REPS2: variants seen among roughly 807,000 people sequenced by gnomAD.
REPS2 encodes the protein RALBP1 associated Eps domain containing 2, also known as ralBP1-associated Eps domain-containing protein 2.
A neutral mutation model predicts 53.6 loss-of-function variants in REPS2; 23 were observed. The observed-to-expected ratio is 0.43, with a 90% confidence interval of 0.31 to 0.61. The LOEUF is 0.61. Among genes scored for constraint, REPS2 ranks in the 20% least tolerant of loss-of-function variants. The pLI is 0.11. For missense variants in REPS2, 446 were observed against 534.9 expected, an observed-to-expected ratio of 0.83 and a Z score of 1.64; for synonymous variants, 238 against 218.6, an observed-to-expected ratio of 1.09 and a Z score of -0.78.
At chrX:17,037,722 C>T (rs934838809) in intron 5 of REPS2, among the ~76,000 whole-genome samples, 1 of 112,724 alleles carries the variant, frequency 8.9e-6, no homozygotes, top group Non-Finnish European at 1.9e-5. Flanking sequence ...GCTGAAAACA[C>T]TGGTTTGAAC....
At chrX:17,109,893 G>T (rs1178274310) in intron 14 of REPS2, among the ~76,000 whole-genome samples, 1 of 112,378 alleles carries the variant, frequency 8.9e-6, no homozygotes. Flanking sequence ...GTTTTATTTG[G>T]AAGTAAAAAC....
At chrX:17,091,126 C>A (rs2062611337) in intron 13 of REPS2, among the ~76,000 whole-genome samples, 1 of 112,074 alleles carries the variant, frequency 8.9e-6, no homozygotes, top group Non-Finnish European at 1.9e-5. Context: ...TTTTTTAACA[C>A]AGGGGAGTCA....
chrX:16,969,570 AC>A (rs1227708486), intron 1 of REPS2, among the ~76,000 whole-genome samples: 3 of 110,087 alleles, frequency 2.7e-5, no homozygotes, highest in Non-Finnish European at 5.7e-5. Context: ...CCAAAAAAAT[AC>A]GAAAACCAGT....
chrX:17,027,579 C>G (rs1239407179), intron 4 of REPS2, among the ~76,000 whole-genome samples: 1 of 109,094 alleles, frequency 9.2e-6, no homozygotes, highest in South Asian at 4.0e-4. Flanking sequence ...AATAGAGTCA[C>G]TCAGTTTTAG....
chrX:16,983,008 C>G (rs1472784775), intron 1 of REPS2, among the ~76,000 whole-genome samples: 1 of 112,203 alleles, frequency 8.9e-6, no homozygotes, highest in Non-Finnish European at 1.9e-5. Context: ...TTTTGGTTAT[C>G]ACACATGGGG....
intron 5 of REPS2, among the ~76,000 whole-genome samples, chrX:17,046,595 C>G (rs951976570): frequency 1.8e-5 from 2 of 112,144 alleles, no homozygotes; most frequent in Non-Finnish European, 3.8e-5. Context: ...CCCCTAGCAT[C>G]GACATTTCCC....
rs2063573799 is a variant in REPS2, at chrX:17,152,029, A to G, written c.*4548A>G. On this transcript the variant is annotated 3_prime_UTR_variant, in exon 18 of 18. Coordinates refer to ENST00000357277, the MANE Select transcript of REPS2 (RefSeq NM_004726.3). ...ACTGATAGGTCAGTCATTGATGGCA[A>G]TTTGAATGTGGGTATTACTCTGTGA... The G allele has an allele frequency of 9.0e-6, 1 of 111,179 alleles. No individual in the cohort carries two copies. The highest frequency in any genetic ancestry group is 3.8e-4 in the South Asian group (1 of 2,622). 9.2% of individuals were successfully genotyped at this position (111,179 alleles called of 1,213,427 possible).
Position 17,104,281 on chromosome X carries a change from G to T in REPS2, c.1578+502G>T, listed in dbSNP as rs542668146. On this transcript the variant is annotated intron_variant, in intron 14 of 17. Transcript: ENST00000357277. ...CTCAGAACAAAAAGCTGAGATAGCA[G>T]GAGGGGGAGAACATGTCACCAAGAT... 4.2e-4 allele frequency among the ~76,000 whole-genome samples: 47 copies of T among 112,046 alleles called. No homozygotes were observed. The South Asian group carries it at 0.018, about 42-fold the overall frequency.
intron 1 of REPS2, among the ~76,000 whole-genome samples, chrX:16,998,465 A>G (rs891046808): frequency 2.7e-5 from 3 of 111,940 alleles, no homozygotes; most frequent in Non-Finnish European, 3.8e-5. Context: ...GATACCTACT[A>G]TATCAGCTGC....
intron 9 of REPS2, among the ~76,000 whole-genome samples, chrX:17,066,688 A>G (rs1381107191): frequency 8.9e-6 from 1 of 112,241 alleles, no homozygotes; most frequent in Non-Finnish European, 1.9e-5. Context: ...CCTGGCTAAC[A>G]CGGTGAAACC....
At chrX:17,043,373 A>C (rs1478057547) in intron 5 of REPS2, among the ~76,000 whole-genome samples, 1 of 111,218 alleles carries the variant, frequency 9.0e-6, no homozygotes, top group East Asian at 2.8e-4. Context: ...AGAGCCAAGG[A>C]ATGGCCCACT....
intron 5 of REPS2, among the ~76,000 whole-genome samples, chrX:17,032,457 C>T (rs1359628138): frequency 3.6e-5 from 4 of 111,798 alleles, no homozygotes; most frequent in Non-Finnish European, 7.5e-5. Flanking sequence ...AGGTTTCCTT[C>T]TTATGCCTGT....
chrX:17,022,744 A>G (rs931613269), intron 3 of REPS2, among the ~76,000 whole-genome samples: 1 of 112,400 alleles, frequency 8.9e-6, no homozygotes, highest in Non-Finnish European at 1.9e-5. Flanking sequence ...TTAGCACGGT[A>G]AAAGCCCTGA....
intron 13 of REPS2, among the ~76,000 whole-genome samples, chrX:17,098,398 T>C (rs1251162651): frequency 8.9e-6 from 1 of 112,087 alleles, no homozygotes; most frequent in Non-Finnish European, 1.9e-5. Context: ...AGGGATTATA[T>C]ATCTATAGTT....
chrX:17,017,906 T>G (rs2061519791), intron 2 of REPS2, among the ~76,000 whole-genome samples: 2 of 112,001 alleles, frequency 1.8e-5, no homozygotes, highest in Non-Finnish European at 3.8e-5. Context: ...AAAAAAAATG[T>G]AAAATATTTC....
Position 16,946,694 on chromosome X carries a change from G to A in REPS2, c.-168G>A. ...CCGGGGGTGGGGCCGGCGCGCGCCG[G>A]GAGGAAGCGGCCGCGCGGCAGCTGC... On this transcript the variant is annotated 5_prime_UTR_variant, in exon 1 of 18. Coordinates refer to ENST00000357277, the MANE Select transcript of REPS2 (RefSeq NM_004726.3). The A allele has an allele frequency of 2.0e-6, 1 of 497,555 alleles. No homozygotes were observed. The highest frequency in any genetic ancestry group is 2.5e-6 in the Non-Finnish European group (1 of 406,744). The allele number at this position is 497,555 out of a possible 1,213,427, so 41.0% of individuals were successfully genotyped here.
At chrX:17,137,474 A>C (rs1256634578) in intron 16 of REPS2, 1 of 112,266 alleles carries the variant, frequency 8.9e-6, no homozygotes, top group African/African-American at 3.2e-5. Context: ...TTGGATTATT[A>C]ATCTTTTTAC....
chrX:17,105,794 A>G (rs867505087), intron 14 of REPS2, among the ~76,000 whole-genome samples: 25 of 112,363 alleles, frequency 2.2e-4, no homozygotes, highest in African/African-American at 7.4e-4. Flanking sequence ...ATTCAGATAT[A>G]TGAAGTCCTG....
chrX:17,114,780 A>G (rs1242890828), intron 14 of REPS2, among the ~76,000 whole-genome samples: 1 of 112,181 alleles, frequency 8.9e-6, no homozygotes, highest in Admixed American at 9.4e-5. Context: ...TTTTAAATCT[A>G]TGTTCTTTGG....
Sources: gnomAD v4.1 joint callset for allele counts (sites outside exome capture counted in the v4.1 genomes callset) on GRCh38, gnomAD v4.1.1 for gene constraint, MANE v1.5 for transcripts, NCBI Gene and HGNC (gene_info 2026-07-23, HGNC 2026-07-21) for gene names.